DENND5B: variants seen among roughly 807,000 people sequenced by gnomAD.
The protein encoded by DENND5B is DENN domain-containing protein 5B.
DENND5B carries 34 observed loss-of-function variants against 140.6 expected under a neutral mutation model. The observed-to-expected ratio is 0.24, with a 90% CI of 0.18 to 0.32. The LOEUF (loss-of-function observed/expected upper bound fraction) is 0.32, where lower values mean the gene tolerates loss of function less well. DENND5B is among the 10% of genes least tolerant of loss of function. The pLI, the probability that DENND5B is intolerant of heterozygous loss-of-function variation, is 1.00. For synonymous variants in DENND5B, 551 were observed against 562.1 expected, an observed-to-expected ratio of 0.98 and a Z score of 0.28; for missense variants, 1,142 against 1,560.2, an observed-to-expected ratio of 0.73 and a Z score of 4.52.
At chr12:31,486,843 TA>T (rs1183474670) in intron 2 of DENND5B, among the ~76,000 whole-genome samples, 4 of 152,224 alleles carry the variant, frequency 2.6e-5, no homozygotes, top group Admixed American at 1.3e-4. Flanking sequence ...GTTACTCCTC[TA>T]AAAAGTATTT....
chr12:31,395,097 T>A (rs1941361765), intron 17 of DENND5B, among the ~76,000 whole-genome samples: 1 of 152,200 alleles, frequency 6.6e-6, no homozygotes. Context: ...TATGAATAAA[T>A]CTCTCAAAAT....
rs986999501 is a variant in DENND5B at position 31,554,092 on chromosome 12, T to C, written c.127+36614A>G. Among the ~76,000 whole-genome samples, 17 of 152,362 alleles carry C rather than the reference T, an allele frequency of 1.1e-4. No homozygotes were observed. The South Asian group carries it at 2.3e-3, about 20-fold the overall frequency. Reference sequence around the variant, plus strand: ...AAAGTTAATATTGTTATGTGTGAATTTGATCCTGTCATTATGATGTTAGAT... The same window carrying C: ...AAAGTTAATATTGTTATGTGTGAATCTGATCCTGTCATTATGATGTTAGAT... On this transcript the variant is annotated intron_variant, in intron 1 of 20. Coordinates refer to ENST00000389082, the MANE Select transcript of DENND5B (RefSeq NM_144973.4).
At chr12:31,583,055 A>G (rs1382181154) in intron 1 of DENND5B, among the ~76,000 whole-genome samples, 1 of 152,190 alleles carries the variant, frequency 6.6e-6, no homozygotes, top group African/African-American at 2.4e-5. Context: ...GCACTTTGGG[A>G]GGCCAAGGTG....
chr12:31,543,450 T>C (rs1277462831), intron 1 of DENND5B, among the ~76,000 whole-genome samples: 1 of 152,168 alleles, frequency 6.6e-6, no homozygotes, highest in Non-Finnish European at 1.5e-5. Context: ...TTTTATAAGG[T>C]AAGTGACTTA....
At chr12:31,480,540 A>G (rs758743970) in intron 2 of DENND5B, among the ~76,000 whole-genome samples, 5 of 152,222 alleles carry the variant, frequency 3.3e-5, no homozygotes, top group Non-Finnish European at 5.9e-5. Flanking sequence ...TCCCAGAGTA[A>G]ACCTCTAACC....
At chr12:31,429,199 G>A (rs1194575249) in intron 8 of DENND5B, among the ~76,000 whole-genome samples, 2 of 151,906 alleles carry the variant, frequency 1.3e-5, no homozygotes, top group South Asian at 2.1e-4. Context: ...AGTAGAGACA[G>A]GGTTTCACTA....
chr12:31,488,983 T>C (rs1946414879), intron 2 of DENND5B, among the ~76,000 whole-genome samples: 1 of 152,196 alleles, frequency 6.6e-6, no homozygotes, highest in Admixed American at 6.5e-5. Flanking sequence ...TGTTCTTATA[T>C]TTCTCTAGAC....
At chr12:31,452,672 A>C (rs1296265236) in intron 4 of DENND5B, among the ~76,000 whole-genome samples, 196 bp from the exon 5 acceptor site, 2 of 152,160 alleles carry the variant, frequency 1.3e-5, no homozygotes, top group Admixed American at 6.6e-5. Flanking sequence ...AAAAGAAAAA[A>C]AAATTCTTGC....
At chr12:31,494,174 A>G (rs1472197688) in intron 2 of DENND5B, among the ~76,000 whole-genome samples, 2 of 64,330 alleles carry the variant, frequency 3.1e-5, no homozygotes, top group African/African-American at 1.2e-4. Context: ...CTATCTATCT[A>G]TCTATCTATC....
intron 15 of DENND5B, among the ~76,000 whole-genome samples, chr12:31,401,622 G>A (rs188883805): frequency 6.6e-6 from 1 of 152,034 alleles, no homozygotes; most frequent in East Asian, 1.9e-4. Context: ...ATATTAAAAG[G>A]TGGCTGTTTG....
chr12:31,399,467 T>C (rs748648755), intron 16 of DENND5B, among the ~76,000 whole-genome samples, 187 bp downstream of exon 16: 1 of 151,738 alleles, frequency 6.6e-6, no homozygotes. Flanking sequence ...TTAGTAGAGA[T>C]GGGGTTTCAC....
chr12:31,568,189 A>C (rs1949695607), intron 1 of DENND5B, among the ~76,000 whole-genome samples: 1 of 152,248 alleles, frequency 6.6e-6, no homozygotes, highest in South Asian at 2.1e-4. Flanking sequence ...AATCATTTAA[A>C]ATACTGTATA....
chr12:31,581,598 C>G (rs1332929240), intron 1 of DENND5B, among the ~76,000 whole-genome samples: 2 of 149,846 alleles, frequency 1.3e-5, no homozygotes, highest in Non-Finnish European at 2.9e-5. Flanking sequence ...GAAGCTGAGG[C>G]AGGTGAATCG....
At chr12:31,452,720 T>C (rs1439150871) in intron 4 of DENND5B, among the ~76,000 whole-genome samples, 2 of 152,314 alleles carry the variant, frequency 1.3e-5, no homozygotes, top group African/African-American at 4.8e-5. Flanking sequence ...ATGGTGCCTT[T>C]TATGTTAATC....
At chr12:31,567,047 T>C (rs1949657652) in intron 1 of DENND5B, among the ~76,000 whole-genome samples, 2 of 152,230 alleles carry the variant, frequency 1.3e-5, no homozygotes, top group African/African-American at 4.8e-5. Context: ...CAGTTTACTA[T>C]CGCATGTATA....
chr12:31,403,633 G>A (rs2137434896), intron 14 of DENND5B, among the ~76,000 whole-genome samples: 1 of 149,302 alleles, frequency 6.7e-6, no homozygotes, highest in Non-Finnish European at 1.5e-5. Context: ...GCTGGATGTG[G>A]TGGCCTGTAA....
chr12:31,490,351 C>T (rs189832871), intron 2 of DENND5B, among the ~76,000 whole-genome samples: 1 of 152,192 alleles, frequency 6.6e-6, no homozygotes, highest in Admixed American at 6.5e-5. Flanking sequence ...GTGGATCACA[C>T]CTGTAATCCT....
chr12:31,472,321 T>C (rs1022714856), intron 3 of DENND5B, among the ~76,000 whole-genome samples: 1 of 152,202 alleles, frequency 6.6e-6, no homozygotes, highest in Non-Finnish European at 1.5e-5. Flanking sequence ...AGATGGAGTC[T>C]TGCCCTGTCT....
At chr12:31,472,473 G>A (rs1210112671) in intron 3 of DENND5B, among the ~76,000 whole-genome samples, 1 of 152,074 alleles carries the variant, frequency 6.6e-6, no homozygotes, top group Non-Finnish European at 1.5e-5. Context: ...TGTATTTTCA[G>A]TAGAGACAGG....
Sources: allele counts gnomAD v4.1 joint callset (sites outside exome capture counted in the v4.1 genomes callset), GRCh38; gene constraint gnomAD v4.1.1; transcripts MANE v1.5; gene names NCBI Gene and HGNC (gene_info 2026-07-23, HGNC 2026-07-21).